Variants in MCTP1 observed in about 807,000 individuals in gnomAD.
The protein encoded by MCTP1 is multiple C2 and transmembrane domain-containing protein 1.
Under a neutral mutation model 120.6 loss-of-function variants are expected in MCTP1, and 69 were observed. The ratio of observed to expected loss-of-function variants is 0.57; its 90% CI spans 0.47 to 0.70. The LOEUF (loss-of-function observed/expected upper bound fraction) is 0.70, where lower values mean the gene tolerates loss of function less well. Ranked by LOEUF, MCTP1 falls within the 30% of genes least tolerant of loss-of-function variation. MCTP1 has a pLI of 0.00. For synonymous variants in MCTP1, 529 were observed against 493.1 expected, an observed-to-expected ratio of 1.07 and a Z score of -0.96; for missense variants, 1,203 against 1,248.8, an observed-to-expected ratio of 0.96 and a Z score of 0.55.
chr5:95,260,468 A>G (rs1345412714), intron 1 of MCTP1, among the ~76,000 whole-genome samples: 1 of 152,138 alleles, frequency 6.6e-6, no homozygotes, highest in Non-Finnish European at 1.5e-5. Context: ...AGACTGCGCA[A>G]AAGCATCGTG....
intron 1 of MCTP1, among the ~76,000 whole-genome samples, chr5:95,046,458 A>G (rs189083590): frequency 6.6e-6 from 1 of 152,296 alleles, no homozygotes; most frequent in Admixed American, 6.5e-5. Flanking sequence ...TCATTATGCT[A>G]ATAGTCTCCC....
chr5:95,183,996 G>A (rs13167716), intron 1 of MCTP1, among the ~76,000 whole-genome samples: 1 of 151,998 alleles, frequency 6.6e-6, no homozygotes, highest in South Asian at 2.1e-4. Flanking sequence ...ATCACACACC[G>A]GGGCCTGTTG....
chr5:94,776,758 C>A (rs1022390251), intron 19 of MCTP1, among the ~76,000 whole-genome samples: 1 of 152,100 alleles, frequency 6.6e-6, no homozygotes, highest in East Asian at 1.9e-4. Flanking sequence ...TGACTGTGTA[C>A]ACAAACTTTA....
chr5:95,208,605 A>C (rs551049626), intron 1 of MCTP1, among the ~76,000 whole-genome samples: 28 of 152,200 alleles, frequency 1.8e-4, no homozygotes, highest in African/African-American at 6.7e-4. Flanking sequence ...AGGAACATAC[A>C]AGCAGAGGAG....
intron 1 of MCTP1, among the ~76,000 whole-genome samples, chr5:95,244,825 A>G (rs942999280): frequency 6.6e-6 from 1 of 152,152 alleles, no homozygotes; most frequent in Non-Finnish European, 1.5e-5. Flanking sequence ...GACAGCTCTG[A>G]AGAGAGCAGA....
rs1158227692 is a variant in MCTP1 at position 94,705,092 on chromosome 5, ATAGT to A, written c.*2400_*2403del. 7 of 151,530 alleles carry A rather than the reference ATAGT, an allele frequency of 4.6e-5. No homozygotes were observed. Among genetic ancestry groups the A allele is most frequent in the South Asian group, 4.1e-4 (2 of 4,834 alleles). The allele number at this position is 151,530 out of a possible 1,614,324, so 9.4% of individuals were successfully genotyped here. A position where few individuals can be genotyped will look rare whatever the true frequency, so the allele number is the denominator to read the frequency against. Reference sequence around the variant, plus strand: ...TATTTAGTAGTTCACAATATCTATAATAGTTAGCAGTCCAAGTAGATGTTTGAGT... The same window carrying A: ...TATTTAGTAGTTCACAATATCTATAATAGCAGTCCAAGTAGATGTTTGAGT... On this transcript the variant is annotated 3_prime_UTR_variant, in exon 23 of 23. Transcript: ENST00000515393.
chr5:94,770,914 A>C lies in MCTP1; in HGVS notation c.2610+8196T>G, dbSNP rs547873926. On this transcript the variant is annotated intron_variant, in intron 19 of 22. Transcript: ENST00000515393. ...ACCTAATAAAGCCACAGCAGATCCC[A>C]TTGTGTTACTGTTTTCTTTCGCCAA... Among the ~76,000 whole-genome samples the C allele has an allele frequency of 5.5e-4, 84 of 152,258 alleles. 2 individuals carry two copies. In the South Asian group the frequency reaches 0.012, roughly 21 times the overall value.
Position 94,746,199 on chromosome 5 carries a change from T to TA in MCTP1, c.2611-31314dup, listed in dbSNP as rs1204865126. Among the ~76,000 whole-genome samples, 9 of 152,308 alleles carry TA rather than the reference T, an allele frequency of 5.9e-5. No individual in the cohort carries two copies. The East Asian group carries it at 1.5e-3, about 26-fold the overall frequency. On this transcript the variant is annotated intron_variant, in intron 19 of 22. Coordinates refer to ENST00000515393, the MANE Select transcript of MCTP1 (RefSeq NM_024717.7). Reference sequence around the variant, plus strand: ...ATTATGTACAAAGTCCGTCTTCCATTAGCAAGGGAAAATGGGGAAATAAAC... The same window carrying TA: ...ATTATGTACAAAGTCCGTCTTCCATTAAGCAAGGGAAAATGGGGAAATAAAC...
At chr5:95,255,872 C>T (rs1178639103) in intron 1 of MCTP1, among the ~76,000 whole-genome samples, 4 of 152,078 alleles carry the variant, frequency 2.6e-5, no homozygotes, top group African/African-American at 4.8e-5. Flanking sequence ...AAGTCACTGC[C>T]CTACCTAAGC....
rs934954332 is a variant in MCTP1 at position 94,706,087 on chromosome 5, T to TATA, written c.*1406_*1408dup. 1.3e-5 allele frequency: 2 copies of TATA among 151,680 alleles called. No homozygotes were observed. Among genetic ancestry groups the TATA allele is most frequent in the Non-Finnish European group, 3.0e-5 (2 of 67,742 alleles). 9.4% of individuals were successfully genotyped at this position (151,680 alleles called of 1,614,324 possible). A position where few individuals can be genotyped will look rare whatever the true frequency, so the allele number is the denominator to read the frequency against. On this transcript the variant is annotated 3_prime_UTR_variant, in exon 23 of 23. Coordinates refer to ENST00000515393, the MANE Select transcript of MCTP1 (RefSeq NM_024717.7). ...TAAAGAATCTTCCTTTAGAGTGAAA[T>TATA]ATACATTTCTTTTAGCTTTTCTATA...
At chr5:94,772,478 C>G (rs747606583) in intron 19 of MCTP1, among the ~76,000 whole-genome samples, 6 of 152,198 alleles carry the variant, frequency 3.9e-5, no homozygotes, top group Non-Finnish European at 7.3e-5. Flanking sequence ...CCCAATCAGA[C>G]AAACCAGGAC....
At chr5:94,988,709 T>C (rs531002470) in intron 2 of MCTP1, among the ~76,000 whole-genome samples, 1 of 152,082 alleles carries the variant, frequency 6.6e-6, no homozygotes, top group African/African-American at 2.4e-5. Flanking sequence ...TGTATTAGTC[T>C]GTTCTCATGA....
At chr5:94,933,651 A>G (rs1677182774) in intron 5 of MCTP1, among the ~76,000 whole-genome samples, 1 of 151,880 alleles carries the variant, frequency 6.6e-6, no homozygotes, top group Admixed American at 6.6e-5. Context: ...ATCATTATCT[A>G]GCATCTAAGA....
chr5:94,715,238 T>TA (rs1479709749), intron 19 of MCTP1, among the ~76,000 whole-genome samples: 1 of 151,950 alleles, frequency 6.6e-6, no homozygotes, highest in African/African-American at 2.4e-5. Flanking sequence ...GATCCACTGA[T>TA]ACACTACTTA....
intron 17 of MCTP1, 75 bp from the exon 18 acceptor site, chr5:94,799,207 A>G: frequency 7.3e-7 from 1 of 1,370,148 alleles, no homozygotes; most frequent in Non-Finnish European, 1.0e-6. Flanking sequence ...TTTATACTCT[A>G]CTTCAAAAAC....
intron 17 of MCTP1, among the ~76,000 whole-genome samples, chr5:94,825,105 T>C (rs905598063): frequency 2.0e-5 from 3 of 152,180 alleles, no homozygotes; most frequent in Non-Finnish European, 2.9e-5. Flanking sequence ...TGTTATTGCT[T>C]CTCTAGTTCT....
chr5:94,901,626 A>C (rs1292553007), intron 10 of MCTP1, among the ~76,000 whole-genome samples: 1 of 151,908 alleles, frequency 6.6e-6, no homozygotes, highest in African/African-American at 2.4e-5. Context: ...AAAAAAAAAA[A>C]CTATATACAT....
chr5:95,139,888 T>G (rs910329744), intron 1 of MCTP1, among the ~76,000 whole-genome samples: 2 of 152,246 alleles, frequency 1.3e-5, no homozygotes, highest in Admixed American at 1.3e-4. Context: ...TCAACTTTAA[T>G]ATTTACAAGC....
chr5:95,031,132 G>A (rs1840203861), intron 1 of MCTP1, among the ~76,000 whole-genome samples: 1 of 151,296 alleles, frequency 6.6e-6, no homozygotes, highest in Non-Finnish European at 1.5e-5. Context: ...AGAAATATGA[G>A]ATTATGTAAA....
Sources: gnomAD v4.1 joint callset for allele counts (sites outside exome capture counted in the v4.1 genomes callset) on GRCh38, gnomAD v4.1.1 for gene constraint, MANE v1.5 for transcripts, NCBI Gene and HGNC (gene_info 2026-07-23, HGNC 2026-07-21) for gene names.